The following STX2 variants were observed in gnomAD, a reference collection of about 807,000 sequenced individuals.
STX2 encodes the protein syntaxin-2.
STX2 carries 27 observed loss-of-function variants against 40.6 expected under a neutral mutation model. The ratio of observed to expected loss-of-function variants is 0.66; its 90% confidence interval spans 0.49 to 0.92. The LOEUF is 0.92. Among genes scored for constraint, STX2 ranks in the 40% least tolerant of loss-of-function variants. The probability of loss-of-function intolerance (pLI) is 0.00; values close to 1 mark genes in which losing one functional copy is unlikely to be tolerated. For missense variants in STX2, 328 were observed against 366.1 expected, an observed-to-expected ratio of 0.90 and a Z score of 0.85; for synonymous variants, 123 against 119.1, an observed-to-expected ratio of 1.03 and a Z score of -0.22.
chr12:130,818,185 A>AAAAATATATATATATATATATATAT, intron 3 of STX2, among the ~76,000 whole-genome samples: 2 of 70,540 alleles, frequency 2.8e-5, no homozygotes, highest in African/African-American at 1.2e-4. Context: ...AAAAAAAAAA[A>AAAAATATATATATATATATATATAT]ATATATATAT....
intron 2 of STX2, among the ~76,000 whole-genome samples, chr12:130,822,788 G>A (rs180934391): frequency 1.4e-3 from 214 of 152,330 alleles, no homozygotes; most frequent in African/African-American, 5.0e-3. Context: ...TGCAATGTGT[G>A]TGTGTGAAAA....
chr12:130,826,987 C>A (rs1952337784), intron 2 of STX2, among the ~76,000 whole-genome samples: 1 of 146,574 alleles, frequency 6.8e-6, no homozygotes, highest in African/African-American at 2.5e-5. Flanking sequence ...CCAGCCTGGG[C>A]AACAGAGCAA....
chr12:130,809,547 T>C (rs1480069146), intron 4 of STX2, among the ~76,000 whole-genome samples: 1 of 152,230 alleles, frequency 6.6e-6, no homozygotes, highest in African/African-American at 2.4e-5. Context: ...CCGGGTGCAG[T>C]GGCTCACGCC....
Position 130,835,481 on chromosome 12 carries a change from T to C in STX2, c.30+3589A>G, listed in dbSNP as rs543189384. ...CACTATAATAAATAGATATATCATA[T>C]ATATGTATCAAATATAAATACATCA... On this transcript the variant is annotated intron_variant, in intron 1 of 10. Transcript: ENST00000392373. Among the ~76,000 whole-genome samples the C allele has an allele frequency of 3.9e-5, 6 of 152,362 alleles. No individual in the cohort carries two copies. The East Asian group carries it at 7.7e-4, about 20-fold the overall frequency.
At chr12:130,796,614 C>T (rs11061149) in intron 9 of STX2, among the ~76,000 whole-genome samples, 9,757 of 152,234 alleles carry the variant, frequency 0.064, 413 homozygotes, top group Non-Finnish European at 0.093. Flanking sequence ...GACTACTTGG[C>T]GATAAGCTGC....
intron 1 of STX2, 37 bp downstream of exon 1, chr12:130,839,033 G>T: frequency 1.3e-6 from 1 of 783,344 alleles, no homozygotes; most frequent in South Asian, 2.5e-5. Context: ...ACGCCGCCCC[G>T]GCCGGGCCTG....
chr12:130,838,916 C>T (rs1216066892), intron 1 of STX2, among the ~76,000 whole-genome samples, 154 bp downstream of exon 1: 2 of 151,646 alleles, frequency 1.3e-5, no homozygotes, highest in African/African-American at 4.8e-5. Flanking sequence ...CTCAGGACTC[C>T]CTGAGACCCT....
intron 3 of STX2, among the ~76,000 whole-genome samples, chr12:130,813,752 C>T (rs1478772899): frequency 6.6e-6 from 1 of 151,226 alleles, no homozygotes; most frequent in African/African-American, 2.4e-5. Context: ...TGCTCCATGC[C>T]GCACACTCAC....
chr12:130,806,696 G>A (rs991799223), intron 6 of STX2, among the ~76,000 whole-genome samples: 4 of 152,090 alleles, frequency 2.6e-5, no homozygotes, highest in Non-Finnish European at 5.9e-5. Context: ...CGGGACTGAG[G>A]ACACAGAAAC....
intron 3 of STX2, among the ~76,000 whole-genome samples, chr12:130,816,626 T>C (rs1286375774): frequency 6.6e-6 from 1 of 152,192 alleles, no homozygotes; most frequent in Non-Finnish European, 1.5e-5. Context: ...CACAATACTC[T>C]TTCTAAATCT....
intron 3 of STX2, among the ~76,000 whole-genome samples, chr12:130,818,427 G>A (rs1324346710): frequency 6.6e-6 from 1 of 151,742 alleles, no homozygotes; most frequent in Non-Finnish European, 1.5e-5. Context: ...GCACTGGAAG[G>A]CAGATGCCAC....
At chr12:130,806,274 G>A (rs1402713775) in intron 6 of STX2, among the ~76,000 whole-genome samples, 1 of 152,204 alleles carries the variant, frequency 6.6e-6, no homozygotes, top group Non-Finnish European at 1.5e-5. Flanking sequence ...GCCTGCCAGG[G>A]CTCCGTGGGG....
chr12:130,809,293 A>C (rs1951558352), intron 4 of STX2, among the ~76,000 whole-genome samples: 1 of 152,240 alleles, frequency 6.6e-6, no homozygotes, highest in African/African-American at 2.4e-5. Context: ...ACATACAAAA[A>C]AATGGAAACA....
At chr12:130,818,170 C>CAAAAAAAAA (rs756794046) in intron 3 of STX2, among the ~76,000 whole-genome samples, 10 of 49,856 alleles carry the variant, frequency 2.0e-4, no homozygotes, top group African/African-American at 1.1e-3. Flanking sequence ...GCTGTTTCTA[C>CAAAAAAAAA]AAAAAAAAAA....
intron 3 of STX2, among the ~76,000 whole-genome samples, chr12:130,813,514 C>T (rs374771671): frequency 7.2e-5 from 11 of 152,312 alleles, no homozygotes; most frequent in Non-Finnish European, 1.5e-4. Flanking sequence ...TCACAGCCAC[C>T]ACTTCAGGGC....
chr12:130,818,491 G>A (rs867057357), intron 3 of STX2, among the ~76,000 whole-genome samples: 1 of 152,022 alleles, frequency 6.6e-6, no homozygotes, highest in Non-Finnish European at 1.5e-5. Flanking sequence ...TAAGTGATGC[G>A]TCCAAGGCCA....
chr12:130,812,520 C>T lies in STX2; in HGVS notation c.280+437G>A, dbSNP rs1029559085. ...GATGCCATTCTGCAAAAATCAAATA[C>T]AACATGTTTTCTACCAAATCGAGAA... On this transcript the variant is annotated intron_variant, in intron 4 of 10. Coordinates refer to ENST00000392373, the MANE Select transcript of STX2 (RefSeq NM_194356.4). The T allele has an allele frequency of 3.1e-4, 93 of 299,678 alleles. 1 individual carries two copies. The highest frequency in any genetic ancestry group is 2.5e-3 in the South Asian group (92 of 36,708). The allele number at this position is 299,678 out of a possible 1,614,324, so 18.6% of individuals were successfully genotyped here.
At chr12:130,820,384 C>T (rs1157790264) in intron 3 of STX2, among the ~76,000 whole-genome samples, 1 of 152,082 alleles carries the variant, frequency 6.6e-6, no homozygotes, top group Non-Finnish European at 1.5e-5. Context: ...AAAGTAGATA[C>T]GGCTGGGCAC....
intron 6 of STX2, among the ~76,000 whole-genome samples, chr12:130,802,555 T>C (rs951401277): frequency 1.3e-5 from 2 of 152,136 alleles, no homozygotes; most frequent in Non-Finnish European, 2.9e-5. Flanking sequence ...TGGAGTGTAG[T>C]GGTGCAATCT....
Sources: allele counts gnomAD v4.1 joint callset (sites outside exome capture counted in the v4.1 genomes callset), GRCh38; gene constraint gnomAD v4.1.1; transcripts MANE v1.5; gene names NCBI Gene and HGNC (gene_info 2026-07-23, HGNC 2026-07-21).